The following ZNF565 variants were observed in gnomAD, a reference collection of about 807,000 sequenced individuals.
ZNF565 encodes the protein zinc finger protein 565.
A neutral mutation model predicts 39.4 loss-of-function variants in ZNF565; 27 were observed. That is an observed-to-expected ratio of 0.69 (90% CI 0.51 to 0.95). The LOEUF is 0.95. Ranked by LOEUF, ZNF565 falls within the 40% of genes least tolerant of loss-of-function variation. The probability of loss-of-function intolerance (pLI) is 0.00; values close to 1 mark genes in which losing one functional copy is unlikely to be tolerated. For missense variants in ZNF565, 524 were observed against 621.1 expected (o/e 0.84, Z 1.66); for synonymous variants, 185 against 216.6 (o/e 0.85, Z 1.28).
Position 36,185,997 on chromosome 19 carries a change from CT to C in ZNF565, c.233-2265del, listed in dbSNP as rs376526191. Among the ~76,000 whole-genome samples the C allele has an allele frequency of 1.2e-4, 18 of 147,370 alleles. No individual in the cohort carries two copies. In the East Asian group the frequency reaches 2.2e-3, roughly 18 times the overall value. Reference sequence around the variant, plus strand: ...GCGTTTGCCACTGTGCCTGGCTTGTCTTTTTTTTTTAATATTTGACATGGGG... The same window carrying C: ...GCGTTTGCCACTGTGCCTGGCTTGTCTTTTTTTTTAATATTTGACATGGGG... On this transcript the variant is annotated intron_variant, in intron 4 of 4. Transcript: ENST00000304116.
At chr19:36,185,134 G>T (rs62113089) in intron 4 of ZNF565, among the ~76,000 whole-genome samples, 1 of 149,970 alleles carries the variant, frequency 6.7e-6, no homozygotes, top group East Asian at 2.0e-4. Flanking sequence ...AAAAAAAAGG[G>T]CTGGGTGCAG....
chr19:36,230,425 T>C (rs1416118957), intron 1 of ZNF565, among the ~76,000 whole-genome samples: 2 of 152,134 alleles, frequency 1.3e-5, no homozygotes, highest in African/African-American at 2.4e-5. Flanking sequence ...TACTATCAGA[T>C]AGTGATAAGT....
intron 1 of ZNF565, among the ~76,000 whole-genome samples, chr19:36,224,650 T>C (rs1454943106): frequency 2.0e-5 from 3 of 152,254 alleles, no homozygotes; most frequent in African/African-American, 2.4e-5. Flanking sequence ...TATTTTTCTT[T>C]GTAAATTTTA....
chr19:36,184,057 G>A lies in ZNF565; in HGVS notation c.233-324C>T, dbSNP rs1442152742. Among the ~76,000 whole-genome samples, 15 of 107,626 alleles carry A rather than the reference G, an allele frequency of 1.4e-4. No individual in the cohort carries two copies. In the Admixed American group the frequency reaches 1.5e-3, roughly 11 times the overall value. 70.6% of individuals were successfully genotyped at this position (107,626 alleles called of 152,430 possible). ...TGCGCCACTGCACTCCAGCCTGGGC[G>A]ACAGAGCAAGACTCTGTCTCATAAA... On this transcript the variant is annotated intron_variant, in intron 4 of 4. Coordinates refer to ENST00000304116, the MANE Select transcript of ZNF565 (RefSeq NM_152477.5).
intron 2 of ZNF565, among the ~76,000 whole-genome samples, chr19:36,197,224 A>G (rs1975793126): frequency 6.6e-6 from 1 of 152,048 alleles, no homozygotes; most frequent in African/African-American, 2.4e-5. Context: ...GTGAGCTGAG[A>G]TTGTGCTACT....
At chr19:36,244,666 C>T (rs1470489187) in intron 1 of ZNF565, among the ~76,000 whole-genome samples, 2 of 150,344 alleles carry the variant, frequency 1.3e-5, no homozygotes, top group Admixed American at 6.6e-5. Context: ...TCCTGGCAAA[C>T]ATGGTGAAAC....
intron 4 of ZNF565, among the ~76,000 whole-genome samples, chr19:36,188,413 C>G (rs914137065): frequency 6.6e-6 from 1 of 150,690 alleles, no homozygotes; most frequent in Non-Finnish European, 1.5e-5. Context: ...ACAAACAACT[C>G]CAAGAACAGA....
intron 1 of ZNF565, among the ~76,000 whole-genome samples, chr19:36,244,073 T>C (rs1196324565): frequency 6.6e-6 from 1 of 152,046 alleles, no homozygotes; most frequent in Non-Finnish European, 1.5e-5. Context: ...ATTAGGCTGC[T>C]CTGCCACTGC....
intron 1 of ZNF565, among the ~76,000 whole-genome samples, chr19:36,207,446 A>C (rs910772022): frequency 2.0e-5 from 3 of 152,076 alleles, no homozygotes; most frequent in Non-Finnish European, 4.4e-5. Context: ...AGGCTGAGGC[A>C]TGAGAATTGT....
intron 2 of ZNF565, 57 bp from the exon 3 acceptor site, chr19:36,195,213 G>A (rs1599925226): frequency 6.4e-7 from 1 of 1,567,018 alleles, no homozygotes; most frequent in East Asian, 2.3e-5. Flanking sequence ...CATTTATTAT[G>A]AAAATTTTCA....
chr19:36,222,913 G>A (rs868406013), intron 1 of ZNF565, among the ~76,000 whole-genome samples: 5 of 148,212 alleles, frequency 3.4e-5, no homozygotes, highest in African/African-American at 1.2e-4. Context: ...TTACATAGCC[G>A]TGCTTAGAAT....
rs1470833119 is a variant in ZNF565 at position 36,245,148 on chromosome 19, C to T, written c.55+328G>A. On this transcript the variant is annotated intron_variant, in intron 1 of 4. Coordinates refer to the ZNF565 transcript ENST00000355114. The surrounding 1 kb of genome is among the most constrained non-coding windows in gnomAD (Gnocchi z 4.4). ...CGAGCCTCGCTGCCCTTGCGAGAGC[C>T]ATGGATTCGCATTTGCGCAGAGTCG... 1.3e-5 allele frequency among the ~76,000 whole-genome samples: 2 copies of T among 152,224 alleles called. No individual in the cohort carries two copies. Among genetic ancestry groups the T allele is most frequent in the Non-Finnish European group, 2.9e-5 (2 of 68,038 alleles).
At chr19:36,239,145 C>G (rs1344074965) in intron 1 of ZNF565, among the ~76,000 whole-genome samples, 1 of 152,096 alleles carries the variant, frequency 6.6e-6, no homozygotes, top group Non-Finnish European at 1.5e-5. Context: ...TGATCTCTGT[C>G]TTCGTATTTC....
intron 4 of ZNF565, among the ~76,000 whole-genome samples, chr19:36,192,183 T>C (rs1227988255): frequency 6.6e-6 from 1 of 151,698 alleles, no homozygotes; most frequent in African/African-American, 2.4e-5. Context: ...GAGACGGGGT[T>C]TCACCATATT....
intron 1 of ZNF565, among the ~76,000 whole-genome samples, chr19:36,223,685 A>ATAG (rs10692213): frequency 1 from 152,156 of 152,162 alleles, 76,075 homozygotes; most frequent in Non-Finnish European, 1. Context: ...TTTTATGGTT[A>ATAG]TCAGACTTTT....
chr19:36,221,698 C>G (rs1976846487), intron 1 of ZNF565, among the ~76,000 whole-genome samples: 1 of 152,118 alleles, frequency 6.6e-6, no homozygotes, highest in Admixed American at 6.6e-5. Flanking sequence ...CTCCCTTCCC[C>G]CAGTCACATT....
chr19:36,196,298 ACTCCTGGT>A (rs1975759351), intron 2 of ZNF565, among the ~76,000 whole-genome samples: 1 of 151,150 alleles, frequency 6.6e-6, no homozygotes, highest in South Asian at 2.1e-4. Flanking sequence ...CTGGCCTCAA[ACTCCTGGT>A]CTTAAGTGAT....
chr19:36,228,840 C>T (rs116104154), intron 1 of ZNF565: 2,224 of 152,358 alleles, frequency 0.015, 51 homozygotes, highest in African/African-American at 0.05. Flanking sequence ...GACAGGCAGG[C>T]CACAGTTTTT....
intron 1 of ZNF565, among the ~76,000 whole-genome samples, chr19:36,223,643 G>A (rs1013942650): frequency 1.3e-5 from 2 of 150,792 alleles, no homozygotes; most frequent in African/African-American, 2.4e-5. Context: ...GATTACAGGC[G>A]TGAGCCACCG....
Sources: allele counts gnomAD v4.1 joint callset (sites outside exome capture counted in the v4.1 genomes callset), GRCh38; gene constraint gnomAD v4.1.1; non-coding constraint Gnocchi (gnomAD v3.1); transcripts MANE v1.5; gene names NCBI Gene and HGNC (gene_info 2026-07-23, HGNC 2026-07-21).